ALMS1: variants seen among roughly 807,000 people sequenced by gnomAD.
ALMS1 encodes centrosome-associated protein ALMS1.
Under a neutral mutation model 352.2 loss-of-function variants are expected in ALMS1, and 271 were observed. The ratio of observed to expected loss-of-function variants is 0.77; its 90% confidence interval spans 0.70 to 0.85. The LOEUF is 0.85. ALMS1 is among the 40% of genes least tolerant of loss of function. ALMS1 has a pLI of 0.00. For missense variants in ALMS1, 5,445 were observed against 4,870.7 expected (o/e 1.12, Z -3.51); for synonymous variants, 1,865 against 1,761.2 (o/e 1.06, Z -1.48).
intron 9 of ALMS1, among the ~76,000 whole-genome samples, chr2:73,467,287 A>T (rs1369409173): frequency 6.6e-6 from 1 of 152,156 alleles, no homozygotes; most frequent in Non-Finnish European, 1.5e-5. Context: ...ATGCAAATCA[A>T]TTATTCCTAC....
chr2:73,500,576 T>G (rs1673198496), intron 10 of ALMS1, among the ~76,000 whole-genome samples: 1 of 152,142 alleles, frequency 6.6e-6, no homozygotes, highest in African/African-American at 2.4e-5. Flanking sequence ...ATGCTATGAC[T>G]AATATACAGA....
At chr2:73,483,791 C>T (rs1418358596) in intron 9 of ALMS1, among the ~76,000 whole-genome samples, 2,268 of 146,780 alleles carry the variant, frequency 0.015, 79 homozygotes, top group African/African-American at 0.055. Context: ...GGATAGTTAG[C>T]TCTTCTTGTT....
rs368201941 is a variant in ALMS1 at position 73,485,946 on chromosome 2, C to CT, written c.7675-3688_7675-3687insT. On this transcript the variant is annotated intron_variant, in intron 9 of 22. Transcript: ENST00000613296. ...CCTGCTTCGTCTCGCACACGGTGCG[C>CT]GCACCCACTGACCTGCGCCCACTGT... 8.3e-3 allele frequency among the ~76,000 whole-genome samples: 1,266 copies of CT among 152,138 alleles called. 15 individuals carry two copies. Among genetic ancestry groups the CT allele is most frequent in the African/African-American group, 0.029 (1,212 of 41,516 alleles).
intron 2 of ALMS1, among the ~76,000 whole-genome samples, chr2:73,412,117 T>C (rs1389834686): frequency 1.3e-5 from 2 of 152,200 alleles, no homozygotes; most frequent in Non-Finnish European, 2.9e-5. Flanking sequence ...TTTACTCTCT[T>C]AGGTGTACAG....
At position 73,575,278 on chromosome 2, in the gene ALMS1, T is replaced by C. The variant is rs570004225; in HGVS notation, c.11547+1854T>C. Among the ~76,000 whole-genome samples, 5 of 152,324 alleles carry C rather than the reference T, an allele frequency of 3.3e-5. No homozygotes were observed. The South Asian group carries it at 1.0e-3, about 32-fold the overall frequency. On this transcript the variant is annotated intron_variant, in intron 16 of 22. Transcript: ENST00000613296. ...TTGGGTATATATCTAGGAATGGAAA[T>C]GCTGGGCCATATGGTAATTCTGTGG...
chr2:73,473,281 C>G (rs887718407), intron 9 of ALMS1, among the ~76,000 whole-genome samples: 2 of 151,702 alleles, frequency 1.3e-5, no homozygotes, highest in African/African-American at 4.8e-5. Context: ...TACCTTTTTT[C>G]TTTCCTTGGC....
chr2:73,527,765 G>C (rs1350492191), intron 11 of ALMS1, among the ~76,000 whole-genome samples: 1 of 151,492 alleles, frequency 6.6e-6, no homozygotes, highest in Non-Finnish European at 1.5e-5. Flanking sequence ...TTTTTGCTCT[G>C]ATCTTTATTT....
chr2:73,463,882 C>G (rs1672264700), intron 9 of ALMS1, among the ~76,000 whole-genome samples: 1 of 151,698 alleles, frequency 6.6e-6, no homozygotes, highest in African/African-American at 2.4e-5. Flanking sequence ...TACACCCTCC[C>G]AAGACTAAAC....
At chr2:73,537,059 G>A (rs1049020828) in intron 12 of ALMS1, among the ~76,000 whole-genome samples, 2 of 152,124 alleles carry the variant, frequency 1.3e-5, no homozygotes, top group Non-Finnish European at 2.9e-5. Flanking sequence ...TAGTGGTTCC[G>A]TGAAGATTCC....
chr2:73,431,146 C>T (rs1358752415), intron 6 of ALMS1, among the ~76,000 whole-genome samples: 1 of 152,222 alleles, frequency 6.6e-6, no homozygotes, highest in South Asian at 2.1e-4. Flanking sequence ...CTAGTAACAT[C>T]CCCTCCCCTC....
chr2:73,436,592 C>T (rs1215028782), intron 7 of ALMS1, among the ~76,000 whole-genome samples: 1 of 152,162 alleles, frequency 6.6e-6, no homozygotes, highest in African/African-American at 2.4e-5. Context: ...TTCTTTGCTT[C>T]AGTTTGCATA....
chr2:73,407,740 T>G (rs148250476), intron 1 of ALMS1, among the ~76,000 whole-genome samples: 2,512 of 152,230 alleles, frequency 0.017, 70 homozygotes, highest in African/African-American at 0.057. Flanking sequence ...GTATTTTTAG[T>G]AGAGACGGGG....
intron 16 of ALMS1, among the ~76,000 whole-genome samples, chr2:73,590,862 G>A (rs1176572511): frequency 6.6e-6 from 1 of 151,830 alleles, no homozygotes; most frequent in African/African-American, 2.4e-5. Context: ...TGTATTTTTA[G>A]TAGAGACGGG....
intron 9 of ALMS1, among the ~76,000 whole-genome samples, chr2:73,481,031 G>A (rs867301180): frequency 6.6e-6 from 1 of 151,310 alleles, no homozygotes; most frequent in Non-Finnish European, 1.5e-5. Flanking sequence ...TAGGTTTCCT[G>A]TTCACTCTGA....
At chr2:73,403,748 T>TA (rs957268609) in intron 1 of ALMS1, among the ~76,000 whole-genome samples, 24 of 152,308 alleles carry the variant, frequency 1.6e-4, no homozygotes, top group African/African-American at 5.8e-4. Flanking sequence ...CCTTCTTGGT[T>TA]ACATTTATTT....
intron 12 of ALMS1, among the ~76,000 whole-genome samples, chr2:73,545,846 C>T (rs552673524): frequency 1.4e-4 from 21 of 152,134 alleles, no homozygotes; most frequent in Non-Finnish European, 2.2e-4. Flanking sequence ...CATATGACTA[C>T]GGAAGAATAT....
At chr2:73,391,380 G>A (rs1449491663) in intron 1 of ALMS1, among the ~76,000 whole-genome samples, 1 of 143,034 alleles carries the variant, frequency 7.0e-6, no homozygotes, top group African/African-American at 2.7e-5. Context: ...TGCAAACTCA[G>A]CCTCCCGAGT....
intron 7 of ALMS1, among the ~76,000 whole-genome samples, chr2:73,441,744 C>A (rs1419158151): frequency 2.6e-5 from 4 of 152,056 alleles, no homozygotes; most frequent in South Asian, 4.1e-4. Context: ...GTCTGGAGGT[C>A]CTTAGCTAGT....
intron 9 of ALMS1, chr2:73,469,459 T>G (rs1376088396): frequency 6.6e-6 from 1 of 151,886 alleles, no homozygotes; most frequent in African/African-American, 2.4e-5. Context: ...TTAGAAAATT[T>G]GAAATAATAG....
Sources: allele counts gnomAD v4.1 joint callset (sites outside exome capture counted in the v4.1 genomes callset), GRCh38; gene constraint gnomAD v4.1.1; transcripts MANE v1.5; gene names NCBI Gene and HGNC (gene_info 2026-07-23, HGNC 2026-07-21).